ZNF536: variants seen among roughly 807,000 people sequenced by gnomAD.
The protein encoded by ZNF536 is zinc finger protein 536.
Under a neutral mutation model 84.5 loss-of-function variants are expected in ZNF536, and 13 were observed. That is an observed-to-expected ratio of 0.15 (90% CI 0.10 to 0.24). ZNF536 has a LOEUF of 0.24. ZNF536 is among the 10% of genes least tolerant of loss of function. The probability of loss-of-function intolerance (pLI) is 1.00; values close to 1 mark genes in which losing one functional copy is unlikely to be tolerated. For missense variants in ZNF536, 1,536 were observed against 1,747.5 expected (o/e 0.88, Z 2.16); for synonymous variants, 811 against 742.5 (o/e 1.09, Z -1.50).
intron 1 of ZNF536, among the ~76,000 whole-genome samples, chr19:30,577,328 A>G (rs1054432075): frequency 1.3e-5 from 2 of 152,130 alleles, no homozygotes; most frequent in African/African-American, 4.8e-5. Flanking sequence ...AGGATTTATC[A>G]TGGAAATAGT....
intron 2 of ZNF536, among the ~76,000 whole-genome samples, chr19:30,497,766 G>C (rs1158428479): frequency 6.6e-6 from 1 of 152,146 alleles, no homozygotes. Flanking sequence ...TTGGGTGTGG[G>C]AACATGAGTG....
chr19:30,640,255 GA>G lies in ZNF536; in HGVS notation c.170-70492del, dbSNP rs930906506. ...GAGTGAGAGTGAGACCCTGTCTCAA[GA>G]AAAAAAAAATTGGTTATATACACAC... is the stretch of plus-strand genomic sequence containing the variant. On this transcript the variant is annotated intron_variant, in intron 1 of 1. Transcript: ENST00000592773. Among the ~76,000 whole-genome samples, 25 of 148,754 alleles carry G rather than the reference GA, an allele frequency of 1.7e-4. No homozygotes were observed. The East Asian group carries it at 2.0e-3, about 12-fold the overall frequency.
At chr19:30,416,685 G>T (rs1014274406) in intron 1 of ZNF536, among the ~76,000 whole-genome samples, 1 of 152,090 alleles carries the variant, frequency 6.6e-6, no homozygotes, top group Non-Finnish European at 1.5e-5. Flanking sequence ...CTAGTGGGTG[G>T]CCCTTTCATC....
intron 3 of ZNF536, among the ~76,000 whole-genome samples, chr19:30,365,373 C>T (rs73020926): frequency 0.017 from 2,628 of 152,278 alleles, 41 homozygotes; most frequent in Non-Finnish European, 0.026. Context: ...CTTCCTCCCC[C>T]TCTCTCTCCT....
chr19:30,262,267 C>T (rs572808480), intron 1 of ZNF536, among the ~76,000 whole-genome samples: 3 of 152,324 alleles, frequency 2.0e-5, no homozygotes, highest in East Asian at 1.9e-4. Context: ...TTTTCCATGG[C>T]GGCTGCCCAG....
At position 30,387,886 on chromosome 19, in the gene ZNF536, C is replaced by T. The variant is rs951285648; in HGVS notation, c.-3+15330C>T. Reference sequence around the variant, plus strand: ...ATGGGGTTGGGGAATGTTCTCGAGACGCAGGTGTCCAGGCTGGTTGGTCAG... The same window carrying T: ...ATGGGGTTGGGGAATGTTCTCGAGATGCAGGTGTCCAGGCTGGTTGGTCAG... On this transcript the variant is annotated intron_variant, in intron 1 of 4. Coordinates refer to ENST00000355537, the MANE Select transcript of ZNF536 (RefSeq NM_014717.3). Among the ~76,000 whole-genome samples the T allele has an allele frequency of 4.6e-5, 7 of 152,120 alleles. No homozygotes were observed. The South Asian group carries it at 6.2e-4, about 14-fold the overall frequency.
intron 2 of ZNF536, among the ~76,000 whole-genome samples, chr19:30,303,070 A>G (rs902806352): frequency 3.9e-5 from 6 of 152,206 alleles, no homozygotes; most frequent in South Asian, 2.1e-4. Flanking sequence ...TTCTGGCTCA[A>G]TGGATTTTAG....
intron 3 of ZNF536, among the ~76,000 whole-genome samples, chr19:30,358,801 C>T (rs2048177690): frequency 6.6e-6 from 1 of 152,114 alleles, no homozygotes; most frequent in Non-Finnish European, 1.5e-5. Flanking sequence ...TAGGGTCAGA[C>T]CATGAAAGTT....
intron 1 of ZNF536, among the ~76,000 whole-genome samples, chr19:30,657,930 T>C (rs886978936): frequency 3.3e-5 from 5 of 152,108 alleles, no homozygotes; most frequent in Non-Finnish European, 4.4e-5. Context: ...TACCCAAACG[T>C]TTTTACACGC....
rs539156813 is a variant in ZNF536 at position 30,285,323 on chromosome 19, G to A, written c.-120+1182G>A. ...TCCTGGGCATGTGACTGGGCTTGAT[G>A]GGTGAACTCCACATCTGTAGGCCCT... On this transcript the variant is annotated intron_variant, in intron 2 of 5. Coordinates refer to the ZNF536 transcript ENST00000585628. 6.6e-5 allele frequency among the ~76,000 whole-genome samples: 10 copies of A among 152,248 alleles called. No homozygotes were observed. The South Asian group carries it at 1.5e-3, about 22-fold the overall frequency.
chr19:30,342,565 A>T (rs1027404501), intron 2 of ZNF536, among the ~76,000 whole-genome samples: 4 of 152,186 alleles, frequency 2.6e-5, no homozygotes, highest in Admixed American at 6.5e-5. Context: ...TGCTACAAAG[A>T]CCTCTTCAGT....
chr19:30,227,268 C>T (rs1345040598), upstream of ZNF536, among the ~76,000 whole-genome samples: 2 of 152,090 alleles, frequency 1.3e-5, no homozygotes, highest in African/African-American at 4.8e-5. Flanking sequence ...AGTTAAGTCC[C>T]CCCCTTTTCA....
Position 30,660,519 on chromosome 19 carries a change from A to C in ZNF536, c.170-50238A>C, listed in dbSNP as rs116157905. On this transcript the variant is annotated intron_variant, in intron 1 of 1. Coordinates refer to the ZNF536 transcript ENST00000592773. ...ATGAAAGAAATTGACTTCAGGCCCC[A>C]AAATAAATATATAACACAGTAAGAA... 4.3e-3 allele frequency among the ~76,000 whole-genome samples: 655 copies of C among 152,360 alleles called. 5 individuals are homozygous for C. Among genetic ancestry groups the C allele is most frequent in the African/African-American group, 0.014 (599 of 41,576 alleles).
At chr19:30,545,837 G>C (rs1045257581) in intron 3 of ZNF536, among the ~76,000 whole-genome samples, 1 of 152,040 alleles carries the variant, frequency 6.6e-6, no homozygotes, top group African/African-American at 2.4e-5. Context: ...CTTTAGCTCC[G>C]CTAATGAATG....
At chr19:30,567,924 C>T (rs1434902452) in intron 1 of ZNF536, among the ~76,000 whole-genome samples, 1 of 152,160 alleles carries the variant, frequency 6.6e-6, no homozygotes, top group African/African-American at 2.4e-5. Flanking sequence ...GAGGCTGTCA[C>T]TCCCCGATAG....
chr19:30,238,359 T>C (rs996924483), intron 1 of ZNF536, among the ~76,000 whole-genome samples: 3 of 151,812 alleles, frequency 2.0e-5, no homozygotes, highest in Non-Finnish European at 4.4e-5. Flanking sequence ...TATGGAGGGG[T>C]CTGGGGTCTA....
chr19:30,399,640 C>A (rs1317794657), intron 1 of ZNF536, among the ~76,000 whole-genome samples: 1 of 149,690 alleles, frequency 6.7e-6, no homozygotes, highest in Non-Finnish European at 1.5e-5. Context: ...ATATGTCTAG[C>A]TAGCCAGTTT....
At chr19:30,404,845 G>A (rs1038982335) in intron 1 of ZNF536, among the ~76,000 whole-genome samples, 1 of 152,198 alleles carries the variant, frequency 6.6e-6, no homozygotes, top group Non-Finnish European at 1.5e-5. Context: ...TCCCCAAGAC[G>A]GTCCTGCCCC....
chr19:30,663,070 T>C (rs1334182977), intron 1 of ZNF536, among the ~76,000 whole-genome samples: 3 of 150,922 alleles, frequency 2.0e-5, no homozygotes, highest in African/African-American at 7.3e-5. Flanking sequence ...GATTTCAAAC[T>C]TCCTGAAATC....
Sources: gnomAD v4.1 joint callset for allele counts (sites outside exome capture counted in the v4.1 genomes callset) on GRCh38, gnomAD v4.1.1 for gene constraint, MANE v1.5 for transcripts, NCBI Gene and HGNC (gene_info 2026-07-23, HGNC 2026-07-21) for gene names.